Variants in ITCH observed in about 807,000 individuals in gnomAD.
ITCH encodes the protein E3 ubiquitin-protein ligase Itchy homolog.
Under a neutral mutation model 126.8 loss-of-function variants are expected in ITCH, and 28 were observed. The ratio of observed to expected loss-of-function variants is 0.22; its 90% CI spans 0.16 to 0.30. ITCH has a LOEUF of 0.30. ITCH is among the 10% of genes least tolerant of loss of function. The pLI, the probability that ITCH is intolerant of heterozygous loss-of-function variation, is 1.00. For synonymous variants in ITCH, 342 were observed against 340.0 expected, an observed-to-expected ratio of 1.01 and a Z score of -0.06; for missense variants, 631 against 1,032.4, an observed-to-expected ratio of 0.61 and a Z score of 5.33.
intron 23 of ITCH, 122 bp from the exon 24 acceptor site, chr20:34,504,209 G>C (rs1283211840): frequency 1.3e-6 from 1 of 760,388 alleles, no homozygotes; most frequent in African/African-American, 1.7e-5. Flanking sequence ...AAGATGATGT[G>C]TGGGGCCTGA....
chr20:34,411,061 A>G (rs1173476867), intron 4 of ITCH, among the ~76,000 whole-genome samples: 1 of 152,192 alleles, frequency 6.6e-6, no homozygotes, highest in Non-Finnish European at 1.5e-5. Flanking sequence ...AAGACTGATC[A>G]TCTTTGACAG....
chr20:34,463,233 C>T (rs1264003556), intron 14 of ITCH, among the ~76,000 whole-genome samples: 1 of 152,124 alleles, frequency 6.6e-6, no homozygotes, highest in Non-Finnish European at 1.5e-5. Flanking sequence ...CATGGTGGCG[C>T]ACACCTGTAA....
intron 14 of ITCH, among the ~76,000 whole-genome samples, chr20:34,465,368 G>C (rs528653678): frequency 1.3e-5 from 2 of 151,844 alleles, no homozygotes; most frequent in South Asian, 4.2e-4. Flanking sequence ...AGGGTCCTTT[G>C]AGATTCCATA....
intron 12 of ITCH, among the ~76,000 whole-genome samples, chr20:34,456,538 C>G (rs1479032571): frequency 6.8e-6 from 1 of 147,336 alleles, no homozygotes; most frequent in African/African-American, 2.5e-5. Flanking sequence ...GGGGCTAAGG[C>G]AGGAGGATCA....
intron 18 of ITCH, among the ~76,000 whole-genome samples, chr20:34,480,367 A>G (rs1466442285): frequency 1.3e-5 from 2 of 151,568 alleles, no homozygotes; most frequent in East Asian, 1.9e-4. Context: ...ATGTCCGGCT[A>G]ATTTTTGTGT....
At chr20:34,376,630 A>G (rs1262118258) in intron 2 of ITCH, among the ~76,000 whole-genome samples, 2 of 152,066 alleles carry the variant, frequency 1.3e-5, no homozygotes, top group African/African-American at 4.8e-5. Flanking sequence ...GTGGAGTTTA[A>G]TTTTAGAGGA....
Position 34,504,366 on chromosome 20 carries a change from G to A in ITCH, c.2452G>A (p.Val818Ile), listed in dbSNP as rs767087220. Residue 818 changes from valine to isoleucine, a missense_variant, in exon 24 of 25, where the codon GTT (valine) becomes ATT (isoleucine). By Grantham distance (29) the Val-to-Ile change is conservative. Transcript: ENST00000374864. Reference protein sequence around the residue: ...NGPQKFCIEKVGKENWLPRSH... With the variant: ...NGPQKFCIEKIGKENWLPRSH... ...ACCACAGAAATTCTGCATTGAAAAA[G>A]TTGGGAAAGAAAATTGGCTACCCAG... The A allele has an allele frequency of 2.1e-5, 34 of 1,613,522 alleles. No individual in the cohort carries two copies. Among genetic ancestry groups the A allele is most frequent in the Non-Finnish European group, 2.9e-5 (34 of 1,179,556 alleles).
At chr20:34,394,674 A>G (rs2038610131) in intron 3 of ITCH, among the ~76,000 whole-genome samples, 3 of 152,270 alleles carry the variant, frequency 2.0e-5, no homozygotes, top group Admixed American at 2.0e-4. Context: ...AAAGGCGTAC[A>G]TCTTATTAGC....
At chr20:34,368,811 C>G (rs529379136) in intron 1 of ITCH, among the ~76,000 whole-genome samples, 3 of 152,142 alleles carry the variant, frequency 2.0e-5, no homozygotes, top group Non-Finnish European at 4.4e-5. Context: ...CAGGGACTAT[C>G]ATTATGGTGA....
At chr20:34,471,761 A>C in intron 16 of ITCH, among the ~76,000 whole-genome samples, 1 of 139,990 alleles carries the variant, frequency 7.1e-6, no homozygotes, top group African/African-American at 2.8e-5. Flanking sequence ...ATAAATGCAT[A>C]GGTAAGATAA....
intron 2 of ITCH, among the ~76,000 whole-genome samples, chr20:34,379,612 TTAGACGGA>T (rs1382560723): frequency 6.6e-6 from 1 of 151,352 alleles, no homozygotes; most frequent in African/African-American, 2.4e-5. Context: ...TTTTTTTTTT[TTAGACGGA>T]GTCTCGCTCT....
At chr20:34,465,551 C>A (rs1196100826) in intron 14 of ITCH, among the ~76,000 whole-genome samples, 1 of 152,096 alleles carries the variant, frequency 6.6e-6, no homozygotes, top group Admixed American at 6.5e-5. Context: ...TCTTCCAATC[C>A]ATGAATGTGG....
intron 1 of ITCH, among the ~76,000 whole-genome samples, chr20:34,366,337 C>G (rs1221397914): frequency 6.6e-6 from 1 of 152,022 alleles, no homozygotes; most frequent in African/African-American, 2.4e-5. Flanking sequence ...ATCTTCCCAC[C>G]CCAGCCTCCC....
At position 34,408,718 on chromosome 20, in the gene ITCH, A is replaced by G; in HGVS notation, c.138A>G (p.Thr46=). The change falls in exon 4 of 25, where the codon ACA becomes ACG. Residue 46 remains threonine, a synonymous_variant. Coordinates refer to ENST00000374864, the MANE Select transcript of ITCH (RefSeq NM_031483.7). ...WFGPSPYVEV[T]VDGQSKKTEK... is the part of the protein sequence containing the mutation. ...GACCAAGTCCTTACGTAGAGGTCACAGTAGATGGACAGTCAAAGAAGACAG... is the reference window on the plus strand; with the variant it reads ...GACCAAGTCCTTACGTAGAGGTCACGGTAGATGGACAGTCAAAGAAGACAG... 1.9e-6 allele frequency: 3 copies of G among 1,614,102 alleles called. No individual in the cohort carries two copies. Among genetic ancestry groups the G allele is most frequent in the Non-Finnish European group, 2.5e-6 (3 of 1,179,938 alleles).
chr20:34,479,835 A>T, intron 18 of ITCH, 46 bp downstream of exon 18: 1 of 1,559,796 alleles, frequency 6.4e-7, no homozygotes, highest in Non-Finnish European at 8.8e-7. Flanking sequence ...ATTCAGCAAT[A>T]CTAAATTTTC....
At chr20:34,447,376 T>A (rs1984592684) in intron 11 of ITCH, among the ~76,000 whole-genome samples, 1 of 152,210 alleles carries the variant, frequency 6.6e-6, no homozygotes, top group Non-Finnish European at 1.5e-5. Flanking sequence ...ACATCCTTAA[T>A]AACATTTACT....
chr20:34,503,866 TTTG>T (rs1210265648), intron 23 of ITCH, among the ~76,000 whole-genome samples: 3 of 126,282 alleles, frequency 2.4e-5, no homozygotes, highest in Non-Finnish European at 4.9e-5. Flanking sequence ...TTTTTTTTTT[TTTG>T]GTTTTTTTTT....
intron 4 of ITCH, among the ~76,000 whole-genome samples, chr20:34,410,410 A>T (rs1257216336): frequency 6.6e-6 from 1 of 151,870 alleles, no homozygotes; most frequent in Non-Finnish European, 1.5e-5. Context: ...TTTATGGAAG[A>T]TCATCTTGAG....
At chr20:34,419,803 T>A (rs1467548270) in intron 6 of ITCH, among the ~76,000 whole-genome samples, 2 of 152,190 alleles carry the variant, frequency 1.3e-5, no homozygotes, top group Non-Finnish European at 2.9e-5. Context: ...TACAGGCCTT[T>A]TAAGATTTAG....
Sources: gnomAD v4.1 joint callset for allele counts (sites outside exome capture counted in the v4.1 genomes callset) on GRCh38, gnomAD v4.1.1 for gene constraint, MANE v1.5 for transcripts, NCBI Gene and HGNC (gene_info 2026-07-23, HGNC 2026-07-21) for gene names.